SYT1: variants seen among roughly 807,000 people sequenced by gnomAD.
The protein encoded by SYT1 is synaptotagmin-1.
In SYT1, 8 loss-of-function variants were observed where a neutral mutation model predicts 44.8. That is an observed-to-expected ratio of 0.18 (90% confidence interval 0.10 to 0.32). The LOEUF (loss-of-function observed/expected upper bound fraction) is 0.32. Ranked by LOEUF, SYT1 falls within the 10% of genes least tolerant of loss-of-function variation. The pLI is 1.00. For missense variants in SYT1, 286 were observed against 509.3 expected (o/e 0.56, Z 4.22); for synonymous variants, 154 against 188.8 (o/e 0.82, Z 1.51).
intron 1 of SYT1, among the ~76,000 whole-genome samples, chr12:78,937,748 A>C (rs1267840168): frequency 6.6e-6 from 1 of 152,186 alleles, no homozygotes; most frequent in Non-Finnish European, 1.5e-5. Context: ...AAAAGCCACA[A>C]TTTCTGGAAA....
rs71091641 is a variant in SYT1, at chr12:79,132,674, C to CAA, written c.-17-84803_-17-84802dup. Among the ~76,000 whole-genome samples, 208 of 43,692 alleles carry CAA rather than the reference C, an allele frequency of 4.8e-3. 2 individuals are homozygous for CAA. Among genetic ancestry groups the CAA allele is most frequent in the Non-Finnish European group, 7.3e-3 (169 of 23,128 alleles). The allele number at this position is 43,692 out of a possible 152,430, so 28.7% of individuals were successfully genotyped here. On this transcript the variant is annotated intron_variant, in intron 3 of 10. Transcript: ENST00000261205. ...CATGGTCAACAATATGGAGTTTTCT[C>CAA]AAAAAAAAAAAAAAAAAAAAAAAAA...
intron 9 of SYT1, among the ~76,000 whole-genome samples, chr12:79,400,382 A>T (rs1885027179): frequency 6.6e-6 from 1 of 152,140 alleles, no homozygotes; most frequent in Admixed American, 6.5e-5. Flanking sequence ...CTCCCCTCCT[A>T]CTGCCTGCAA....
intron 2 of SYT1, among the ~76,000 whole-genome samples, chr12:79,014,143 A>G (rs1180177247): frequency 2.7e-5 from 4 of 148,446 alleles, no homozygotes; most frequent in African/African-American, 7.7e-5. Flanking sequence ...AAAAAAGAAA[A>G]AAAAAAAAAA....
chr12:78,989,436 T>G (rs1869869998), intron 2 of SYT1, among the ~76,000 whole-genome samples: 1 of 152,118 alleles, frequency 6.6e-6, no homozygotes, highest in South Asian at 2.1e-4. Context: ...ATTATTGATA[T>G]GAAAACCCTG....
chr12:78,991,840 T>C (rs1413315823), intron 2 of SYT1, among the ~76,000 whole-genome samples: 1 of 152,184 alleles, frequency 6.6e-6, no homozygotes, highest in East Asian at 1.9e-4. Flanking sequence ...TGTGGATAAG[T>C]ATCTTTATGC....
intron 8 of SYT1, among the ~76,000 whole-genome samples, chr12:79,300,112 C>G (rs147876670): frequency 7.1e-4 from 108 of 152,242 alleles, no homozygotes; most frequent in African/African-American, 2.6e-3. Flanking sequence ...TATGCTACTC[C>G]TCACATTGTT....
intron 3 of SYT1, among the ~76,000 whole-genome samples, chr12:79,169,179 G>A (rs1871371154): frequency 6.6e-6 from 1 of 152,008 alleles, no homozygotes; most frequent in Admixed American, 6.6e-5. Flanking sequence ...ATTAATTCCA[G>A]TGCCTCATTT....
intron 1 of SYT1, among the ~76,000 whole-genome samples, chr12:78,977,202 AC>A (rs1013486859): frequency 2.6e-5 from 4 of 152,184 alleles, no homozygotes; most frequent in African/African-American, 9.6e-5. Context: ...CTTCCCTACC[AC>A]CCAGATGCTT....
intron 4 of SYT1, among the ~76,000 whole-genome samples, chr12:79,260,698 T>C (rs1328245471): frequency 6.6e-6 from 1 of 152,184 alleles, no homozygotes; most frequent in Non-Finnish European, 1.5e-5. Flanking sequence ...CATCCAGTAA[T>C]AAAAATCTAT....
intron 3 of SYT1, among the ~76,000 whole-genome samples, chr12:79,080,403 A>G (rs1286340787): frequency 3.3e-5 from 5 of 152,182 alleles, no homozygotes; most frequent in Non-Finnish European, 7.4e-5. Flanking sequence ...AACAGATTTA[A>G]TGATTATTAA....
At chr12:79,419,303 G>C (rs571351754) in intron 9 of SYT1, 1 of 518,832 alleles carries the variant, frequency 1.9e-6, no homozygotes, top group Non-Finnish European at 4.0e-6. Flanking sequence ...TTCCAAATGA[G>C]CTTAATTTCC....
chr12:78,963,174 T>C (rs922815626), intron 1 of SYT1, among the ~76,000 whole-genome samples: 8 of 151,426 alleles, frequency 5.3e-5, no homozygotes, highest in African/African-American at 1.9e-4. Context: ...TTCAATCGCA[T>C]ATATATATAT....
chr12:79,315,186 T>C (rs190358045), intron 8 of SYT1, among the ~76,000 whole-genome samples: 5 of 152,242 alleles, frequency 3.3e-5, no homozygotes, highest in African/African-American at 1.2e-4. Flanking sequence ...ATTTTTTATT[T>C]TCTTTATTAT....
At chr12:79,173,302 G>GT (rs1871661290) in intron 3 of SYT1, among the ~76,000 whole-genome samples, 1 of 152,026 alleles carries the variant, frequency 6.6e-6, no homozygotes, top group Non-Finnish European at 1.5e-5. Flanking sequence ...GCAGCATGCA[G>GT]CCTCTTAGGA....
intron 3 of SYT1, among the ~76,000 whole-genome samples, chr12:79,077,702 T>C (rs1324553759): frequency 1.3e-5 from 2 of 152,184 alleles, no homozygotes; most frequent in Non-Finnish European, 2.9e-5. Flanking sequence ...ATTACATACT[T>C]TCTGCTTTTC....
chr12:79,232,078 A>G (rs1026229503), intron 4 of SYT1, among the ~76,000 whole-genome samples: 1 of 152,212 alleles, frequency 6.6e-6, no homozygotes, highest in Non-Finnish European at 1.5e-5. Flanking sequence ...TCTGTAAAAT[A>G]AAGACAATAA....
chr12:79,348,940 GAA>G (rs1354257675), intron 8 of SYT1, among the ~76,000 whole-genome samples: 98 of 122,014 alleles, frequency 8.0e-4, no homozygotes, highest in African/African-American at 3.0e-3. Context: ...AGAAAGGAAA[GAA>G]AAAGAAAGAA....
intron 9 of SYT1, among the ~76,000 whole-genome samples, chr12:79,431,695 C>A (rs1869797675): frequency 6.6e-6 from 1 of 151,966 alleles, no homozygotes; most frequent in African/African-American, 2.4e-5. Flanking sequence ...AGGCATGTGC[C>A]ACCACACCTA....
intron 1 of SYT1, among the ~76,000 whole-genome samples, chr12:78,866,982 A>G (rs546431455): frequency 6.6e-6 from 1 of 152,074 alleles, no homozygotes; most frequent in Admixed American, 6.5e-5. Flanking sequence ...TTTGCATTTG[A>G]GGCAATGATC....
Sources: allele counts gnomAD v4.1 joint callset (sites outside exome capture counted in the v4.1 genomes callset), GRCh38; gene constraint gnomAD v4.1.1; transcripts MANE v1.5; gene names NCBI Gene and HGNC (gene_info 2026-07-23, HGNC 2026-07-21).